The following MTBP variants were observed in gnomAD, a reference collection of about 807,000 sequenced individuals.
MTBP encodes the protein MDM2 binding protein.
A neutral mutation model predicts 117.0 loss-of-function variants in MTBP; 101 were observed. The observed-to-expected ratio is 0.86, with a 90% CI of 0.73 to 1.02. The LOEUF (loss-of-function observed/expected upper bound fraction) is 1.02. Among genes scored for constraint, MTBP ranks in the 50% least tolerant of loss-of-function variants. The pLI is 0.00. For synonymous variants in MTBP, 350 were observed against 351.5 expected (o/e 1.00, Z 0.05); for missense variants, 970 against 1,030.9 (o/e 0.94, Z 0.81).
At position 120,516,214 on chromosome 8, in the gene MTBP, A is replaced by G. The variant is rs530456969; in HGVS notation, c.2246+23A>G. 3.8e-6 allele frequency: 6 copies of G among 1,566,562 alleles called. No homozygotes were observed. In the East Asian group the frequency reaches 1.4e-4, roughly 35 times the overall value. ...AAGGTGATATATTACATGCACATAA[A>G]TAGTATATTGACAGAAAGTATTTTA... is the stretch of plus-strand genomic sequence containing the variant. On this transcript the variant is annotated intron_variant, in intron 18 of 21. Coordinates refer to ENST00000305949, the MANE Select transcript of MTBP (RefSeq NM_022045.5).
At chr8:120,485,709 A>T (rs1294242516) in intron 11 of MTBP, among the ~76,000 whole-genome samples, 1 of 152,148 alleles carries the variant, frequency 6.6e-6, no homozygotes, top group Non-Finnish European at 1.5e-5. Flanking sequence ...TAATTTCTTG[A>T]TAAAGATGAC....
intron 18 of MTBP, among the ~76,000 whole-genome samples, chr8:120,516,702 G>A (rs1814926944): frequency 6.6e-6 from 1 of 152,024 alleles, no homozygotes; most frequent in Non-Finnish European, 1.5e-5. Context: ...GAAATATCCA[G>A]ATACTTGATC....
At chr8:120,462,093 G>C (rs1813592517) in intron 9 of MTBP, among the ~76,000 whole-genome samples, 1 of 152,136 alleles carries the variant, frequency 6.6e-6, no homozygotes, top group Non-Finnish European at 1.5e-5. Flanking sequence ...TCAGATTGGA[G>C]AGCCTTTTCA....
At chr8:120,520,164 A>G (rs1220281596) in intron 20 of MTBP, among the ~76,000 whole-genome samples, 1 of 152,194 alleles carries the variant, frequency 6.6e-6, no homozygotes, top group Non-Finnish European at 1.5e-5. Context: ...AATAAAGGGA[A>G]CTCTGAAGAA....
chr8:120,456,502 T>A (rs756154046), intron 6 of MTBP, 51 bp from the exon 7 acceptor site: 1 of 1,122,782 alleles, frequency 8.9e-7, no homozygotes, highest in Non-Finnish European at 1.3e-6. Flanking sequence ...AATGATTAAA[T>A]CAGTGAAATA....
chr8:120,498,368 T>C (rs1314994404), intron 14 of MTBP, among the ~76,000 whole-genome samples: 1 of 152,168 alleles, frequency 6.6e-6, no homozygotes, highest in Non-Finnish European at 1.5e-5. Context: ...CCAAGTTAAA[T>C]AGCATACAGA....
intron 8 of MTBP, among the ~76,000 whole-genome samples, chr8:120,460,718 G>A (rs982548406): frequency 1.3e-5 from 2 of 151,308 alleles, no homozygotes; most frequent in Non-Finnish European, 2.9e-5. Flanking sequence ...TTTTCTAAAT[G>A]TCAGTGTACC....
chr8:120,487,155 T>C (rs961523214), intron 11 of MTBP, among the ~76,000 whole-genome samples: 3 of 152,334 alleles, frequency 2.0e-5, no homozygotes, highest in Middle Eastern at 6.8e-3. Flanking sequence ...GCCTCTAATC[T>C]TCTGACAGTC....
chr8:120,447,952 G>GGTCCCACTTTGTTGCTCAGGCT (rs1563781283), intron 2 of MTBP, among the ~76,000 whole-genome samples: 1 of 151,348 alleles, frequency 6.6e-6, no homozygotes, highest in Non-Finnish European at 1.5e-5. Flanking sequence ...TTTGAGACAG[G>GGTCCCACTTTGTTGCTCAGGCT]GTCCCACTTT....
At chr8:120,461,815 C>T (rs1813587495) in intron 9 of MTBP, among the ~76,000 whole-genome samples, 1 of 152,124 alleles carries the variant, frequency 6.6e-6, no homozygotes, top group South Asian at 2.1e-4. Context: ...CTGTGTTTTA[C>T]TCAATATGTT....
intron 11 of MTBP, among the ~76,000 whole-genome samples, chr8:120,487,723 G>A (rs1814248743): frequency 1.3e-5 from 2 of 152,150 alleles, no homozygotes; most frequent in South Asian, 4.1e-4. Context: ...CATTATGGAT[G>A]CCCACTGCAA....
chr8:120,481,909 A>G (rs1458753084), intron 11 of MTBP, among the ~76,000 whole-genome samples: 2 of 152,102 alleles, frequency 1.3e-5, no homozygotes, highest in South Asian at 4.2e-4. Context: ...AACACCAGCT[A>G]CAAATTAGAA....
chr8:120,489,507 G>C (rs1194286644), intron 12 of MTBP, among the ~76,000 whole-genome samples: 4 of 152,164 alleles, frequency 2.6e-5, no homozygotes, highest in South Asian at 2.1e-4. Flanking sequence ...CTGCCACAGC[G>C]TGGAGAATAG....
chr8:120,511,453 G>C (rs1814808007), intron 17 of MTBP, among the ~76,000 whole-genome samples: 2 of 152,128 alleles, frequency 1.3e-5, no homozygotes, highest in South Asian at 4.1e-4. Flanking sequence ...GCACCACCAC[G>C]CCTGGCTAAT....
Position 120,497,398 on chromosome 8 carries a change from C to T in MTBP, c.1453C>T (p.Arg485Ter), listed in dbSNP as rs778984070. 19 of 1,602,990 alleles carry T rather than the reference C, an allele frequency of 1.2e-5. No individual in the cohort carries two copies. Among genetic ancestry groups the T allele is most frequent in the South Asian group, 3.4e-5 (3 of 87,454 alleles). The change falls in exon 14 of 22, where the codon CGA (arginine) becomes TGA (stop). Residue 485 changes from arginine (R) to a stop codon, truncating the protein, a stop_gained. Coordinates refer to ENST00000305949, the MANE Select transcript of MTBP (RefSeq NM_022045.5). LOFTEE classifies it high-confidence loss of function. ...VLALEECLKRRKLAKQPETVS... is the reference protein window; with the variant it reads ...VLALEECLKR ...TGTATTGATTTGTCTTATAGAAAGA[C>T]GAAAGTTGGCAAAGCAGCCTGAAAC...
intron 2 of MTBP, among the ~76,000 whole-genome samples, chr8:120,449,548 C>T (rs904349863): frequency 6.6e-6 from 1 of 151,992 alleles, no homozygotes; most frequent in African/African-American, 2.4e-5. Context: ...ATTATTTTTG[C>T]ACCAATTAAT....
At chr8:120,486,444 C>T (rs771097569) in intron 11 of MTBP, among the ~76,000 whole-genome samples, 4 of 152,092 alleles carry the variant, frequency 2.6e-5, no homozygotes, top group South Asian at 2.1e-4. Context: ...CCTGTGAATG[C>T]GCTGAGGTGA....
chr8:120,505,498 T>TA, intron 15 of MTBP, among the ~76,000 whole-genome samples: 1 of 152,274 alleles, frequency 6.6e-6, no homozygotes, highest in East Asian at 1.9e-4. Flanking sequence ...ATTTTCAGTT[T>TA]AAAAACAAAG....
At chr8:120,514,533 A>T (rs1488333667) in intron 17 of MTBP, among the ~76,000 whole-genome samples, 1 of 152,058 alleles carries the variant, frequency 6.6e-6, no homozygotes, top group African/African-American at 2.4e-5. Flanking sequence ...AGCTCTTCAG[A>T]TGGTTCTAAT....
Sources: allele counts gnomAD v4.1 joint callset (sites outside exome capture counted in the v4.1 genomes callset), GRCh38; gene constraint gnomAD v4.1.1; transcripts MANE v1.5; gene names NCBI Gene and HGNC (gene_info 2026-07-23, HGNC 2026-07-21).